The following MED25 variants were observed in gnomAD, a reference collection of about 807,000 sequenced individuals.
The protein encoded by MED25 is mediator of RNA polymerase II transcription subunit 25.
Under a neutral mutation model 89.4 loss-of-function variants are expected in MED25, and 62 were observed. That is an observed-to-expected ratio of 0.69 (90% CI 0.57 to 0.86). The LOEUF (loss-of-function observed/expected upper bound fraction) is 0.86. Ranked by LOEUF, MED25 falls within the 40% of genes least tolerant of loss-of-function variation. MED25 has a pLI of 0.00. For synonymous variants in MED25, 449 were observed against 427.9 expected (o/e 1.05, Z -0.61); for missense variants, 905 against 1,005.2 (o/e 0.90, Z 1.35).
rs1220782885 is a variant in MED25, at chr19:49,835,646, G to A, written c.1746+41G>A. ...GCGGGGTCGGGGCTGGGTTGGGGAG[G>A]CCCCAAGGCTGCGCTCTGTGCCTGC... On this transcript the variant is annotated intron_variant, in intron 15 of 17. Coordinates refer to ENST00000312865, the MANE Select transcript of MED25 (RefSeq NM_030973.4). The surrounding 1 kb of genome is among the most constrained non-coding windows in gnomAD (Gnocchi z 6.2). 6.4e-7 allele frequency: 1 copy of A among 1,559,792 alleles called. No homozygotes were observed. Among genetic ancestry groups the A allele is most frequent in the Admixed American group, 1.9e-5 (1 of 52,490 alleles).
rs904275019 is a variant in MED25 at position 49,831,624 on chromosome 19, A to C, written c.1230+163A>C. Among the ~76,000 whole-genome samples the C allele has an allele frequency of 6.6e-6, 1 of 152,012 alleles. No homozygotes were observed. The highest frequency in any genetic ancestry group is 2.4e-5 in the African/African-American group (1 of 41,382). On this transcript the variant is annotated intron_variant, in intron 10 of 17. Coordinates refer to ENST00000312865, the MANE Select transcript of MED25 (RefSeq NM_030973.4). This position sits in a 1 kb window ranked among gnomAD's most constrained non-coding sequence, Gnocchi z 5.0. Reference sequence around the variant, plus strand: ...CGGGGCGAGGCCAGGAGCCCCATGGAGTGGTGGGACTTGCGGTACAGAGGA... The same window carrying C: ...CGGGGCGAGGCCAGGAGCCCCATGGCGTGGTGGGACTTGCGGTACAGAGGA...
At chr19:49,826,175 CTTAAAAA>C (rs988600962) in intron 3 of MED25, among the ~76,000 whole-genome samples, 2 of 151,254 alleles carry the variant, frequency 1.3e-5, no homozygotes, top group African/African-American at 4.9e-5. Flanking sequence ...CCCGTCTCTA[CTTAAAAA>C]TTAAAAAAAT....
chr19:49,829,772 C>T lies in MED25; in HGVS notation c.526-14C>T. 6.3e-7 allele frequency: 1 copy of T among 1,577,362 alleles called. No individual in the cohort carries two copies. Among genetic ancestry groups the T allele is most frequent in the East Asian group, 2.4e-5 (1 of 42,542 alleles). ...GAGGGGGCCCGTCATGACTGCTCGGCCCCTCTCCTACAGCGGGGGATCCAC... is the reference window on the plus strand; with the variant it reads ...GAGGGGGCCCGTCATGACTGCTCGGTCCCTCTCCTACAGCGGGGGATCCAC... On this transcript the variant is annotated splice_polypyrimidine_tract_variant and intron_variant, in intron 5 of 17. Transcript: ENST00000312865. The surrounding 1 kb of genome is among the most constrained non-coding windows in gnomAD (Gnocchi z 4.6).
At chr19:49,832,225 C>T (rs998744622) in intron 12 of MED25, 68 bp downstream of exon 12, 1 of 1,565,698 alleles carries the variant, frequency 6.4e-7, no homozygotes, top group South Asian at 1.1e-5. Context: ...TTCCTGTTCC[C>T]TGCCCCACCC....
Position 49,830,389 on chromosome 19 carries a change from T to TG in MED25, c.820-121dup. 1 of 1,185,764 alleles carries TG rather than the reference T, an allele frequency of 8.4e-7. No homozygotes were observed. 73.5% of individuals were successfully genotyped at this position (1,185,764 alleles called of 1,614,324 possible). A position where few individuals can be genotyped will look rare whatever the true frequency, so the allele number is the denominator to read the frequency against. On this transcript the variant is annotated intron_variant, in intron 7 of 17. Transcript: ENST00000312865. The surrounding 1 kb of genome is among the most constrained non-coding windows in gnomAD (Gnocchi z 4.6). ...AGCTCATGTGCTGTGTGATGGGTGT[T>TG]GTGAGCTAAGCTATCCCAGCTGGTG...
At chr19:49,821,179 C>T (rs184047777) in intron 3 of MED25, among the ~76,000 whole-genome samples, 1 of 152,322 alleles carries the variant, frequency 6.6e-6, no homozygotes, top group African/African-American at 2.4e-5. Flanking sequence ...GAGTCTGTGG[C>T]TGTTGGCCAC....
At chr19:49,825,338 C>T (rs904068341) in intron 3 of MED25, among the ~76,000 whole-genome samples, 1 of 151,944 alleles carries the variant, frequency 6.6e-6, no homozygotes, top group Non-Finnish European at 1.5e-5. Flanking sequence ...AACCTCTGCC[C>T]CCGAGGTTCA....
At position 49,830,728 on chromosome 19, in the gene MED25, C is replaced by G. The variant is rs373971747; in HGVS notation, c.942C>G (p.Pro314=). 3.7e-6 allele frequency: 6 copies of G among 1,613,954 alleles called. No individual in the cohort carries two copies. In the Admixed American group the frequency reaches 5.0e-5, roughly 13 times the overall value. Residue 314 remains proline, a synonymous_variant, in exon 9 of 18, where the codon CCC becomes CCG. Coordinates refer to ENST00000312865, the MANE Select transcript of MED25 (RefSeq NM_030973.4). The surrounding 1 kb of genome is among the most constrained non-coding windows in gnomAD (Gnocchi z 4.6). ...TCACCCCTCTCCAACAAGCTGCTCC[C>G]GGAGTGGGTCCCCCCTTCAGCCAGG... ...SPITPLQQAA[P]GVGPPFSQAP... is the part of the protein sequence containing the mutation.
At chr19:49,819,433 G>A in intron 3 of MED25, 137 bp downstream of exon 3, 1 of 915,738 alleles carries the variant, frequency 1.1e-6, no homozygotes, top group Non-Finnish European at 1.7e-6. Flanking sequence ...CCCCGTGAGG[G>A]GCTGTGAATA....
At chr19:49,832,561 C>G in intron 13 of MED25, 146 bp downstream of exon 13, 1 of 671,844 alleles carries the variant, frequency 1.5e-6, no homozygotes, top group South Asian at 1.6e-5. Flanking sequence ...CCTCGCCTTT[C>G]TTCTAGAGCC....
At position 49,828,540 on chromosome 19, in the gene MED25, G is replaced by A. The variant is rs906227441; in HGVS notation, c.397G>A (p.Glu133Lys). ...GTTTGATGACTTCAAGAAGATGCGC[G>A]AGCAGATGTGAGTGCCCCCTCCACC... ...QLFDDFKKMR[E>K]QIGQTHRVCL... The change falls in exon 4 of 18, where the codon GAG (glutamate) becomes AAG (lysine). Residue 133 changes from glutamate to lysine, a missense_variant. By Grantham distance (56) the Glu-to-Lys change is moderately conservative. This residue lies in a region of MED25 where 501 missense variants were observed against 526.9 expected (regional missense o/e 0.95). Coordinates refer to ENST00000312865, the MANE Select transcript of MED25 (RefSeq NM_030973.4). 2 of 1,612,484 alleles carry A rather than the reference G, an allele frequency of 1.2e-6. No homozygotes were observed. The highest frequency in any genetic ancestry group is 1.7e-6 in the Non-Finnish European group (2 of 1,178,538).
At position 49,829,892 on chromosome 19, in the gene MED25, C is replaced by T; in HGVS notation, c.632C>T (p.Thr211Ile). Residue 211 changes from threonine to isoleucine, a missense_variant, in exon 6 of 18, where the codon ACA becomes ATA. Transcript: ENST00000312865. The surrounding 1 kb of genome is among the most constrained non-coding windows in gnomAD (Gnocchi z 4.6). ...TTGCTGGAGCCGCTGCAGCCTCCGA[C>T]AGATGTGAGCCAGGACCCGAGGCAC... ...PALLEPLQPP[T>I]DVSQDPRHMV... 1 of 1,613,402 alleles carries T rather than the reference C, an allele frequency of 6.2e-7. No homozygotes were observed. The highest frequency in any genetic ancestry group is 8.5e-7 in the Non-Finnish European group (1 of 1,179,958).
Position 49,830,434 on chromosome 19 carries a change from G to C in MED25, c.820-77G>C. On this transcript the variant is annotated intron_variant, in intron 7 of 17. Transcript: ENST00000312865. The surrounding 1 kb of genome is among the most constrained non-coding windows in gnomAD (Gnocchi z 4.6). ...CTGGTGCCTCATGGGGCCATGGGTG[G>C]TGTGACCTCGTGGGATACCAGGACT... 1 of 1,454,260 alleles carries C rather than the reference G, an allele frequency of 6.9e-7. No homozygotes were observed. 90.1% of individuals were successfully genotyped at this position (1,454,260 alleles called of 1,614,324 possible).
chr19:49,823,436 A>T (rs112258411), intron 3 of MED25, among the ~76,000 whole-genome samples: 46 of 152,294 alleles, frequency 3.0e-4, no homozygotes, highest in Admixed American at 1.2e-3. Flanking sequence ...GATGTTTAAT[A>T]CAGTGCCTGG....
chr19:49,832,218 C>G (rs1202417534), intron 12 of MED25, 61 bp downstream of exon 12: 2 of 1,580,630 alleles, frequency 1.3e-6, no homozygotes, highest in Middle Eastern at 1.9e-4. Flanking sequence ...TGTCTCTTTC[C>G]TGTTCCCTGC....
At position 49,830,840 on chromosome 19, in the gene MED25, C is replaced by G. The variant is rs1330618008; in HGVS notation, c.1054C>G (p.Pro352Ala). The change falls in exon 9 of 18, where the codon CCT (proline) becomes GCT (alanine). Residue 352 changes from proline to alanine, a missense_variant. This residue lies in a region of MED25 where 501 missense variants were observed against 526.9 expected (regional missense o/e 0.95). Transcript: ENST00000312865. The surrounding 1 kb of genome is among the most constrained non-coding windows in gnomAD (Gnocchi z 4.6). ...GCCCAGTCTGGTCTCCACTGTGGCC[C>G]CTGGCTCCGGCCTGGCTCCCACGGC... ...SQPSLVSTVA[P>A]GSGLAPTAQP... 6.2e-7 allele frequency: 1 copy of G among 1,612,868 alleles called. No individual in the cohort carries two copies. The highest frequency in any genetic ancestry group is 2.2e-5 in the East Asian group (1 of 44,864).
At position 49,829,872 on chromosome 19, in the gene MED25, G is replaced by A. The variant is rs373558539; in HGVS notation, c.612G>A (p.Leu204=). 1.9e-6 allele frequency: 3 copies of A among 1,613,042 alleles called. No individual in the cohort carries two copies. The highest frequency in any genetic ancestry group is 1.7e-6 in the Non-Finnish European group (2 of 1,179,876). ...AGAAGGCAGCCCCCCCGGCCTTGCT[G>A]GAGCCGCTGCAGCCTCCGACAGATG... ...LFEKAAPPAL[L]EPLQPPTDVS... Residue 204 remains leucine, a synonymous_variant, in exon 6 of 18, where the codon CTG becomes CTA. Transcript: ENST00000312865. This position sits in a 1 kb window ranked among gnomAD's most constrained non-coding sequence, Gnocchi z 4.6.
chr19:49,831,965 C>T lies in MED25; in HGVS notation c.1260C>T (p.Asn420=). 1 of 1,614,156 alleles carries T rather than the reference C, an allele frequency of 6.2e-7. No homozygotes were observed. The highest frequency in any genetic ancestry group is 1.3e-5 in the African/African-American group (1 of 75,024). The part of the protein sequence containing the change: ...EKPKPASVDA[N]TKLTRSLPCQ... ...CCAAACCTGCCTCAGTGGATGCCAA[C>T]ACCAAGCTGACGCGGTCACTGCCCT... The change falls in exon 11 of 18, where the codon AAC becomes AAT. Residue 420 remains asparagine, a synonymous_variant. Coordinates refer to ENST00000312865, the MANE Select transcript of MED25 (RefSeq NM_030973.4). The surrounding 1 kb of genome is among the most constrained non-coding windows in gnomAD (Gnocchi z 5.0).
rs747291588 is a variant in MED25 at position 49,830,630 on chromosome 19, A to G, written c.907+32A>G. The G allele has an allele frequency of 4.3e-5, 69 of 1,613,192 alleles. No homozygotes were observed. The highest frequency in any genetic ancestry group is 2.7e-5 in the African/African-American group (2 of 74,884). On this transcript the variant is annotated intron_variant, in intron 8 of 17. Coordinates refer to ENST00000312865, the MANE Select transcript of MED25 (RefSeq NM_030973.4). The surrounding 1 kb of genome is among the most constrained non-coding windows in gnomAD (Gnocchi z 4.6). ...CCTGGAGTGAGGATGAAGGGCGGGCAGGGGCCAGGCAGGCCTCTCTCCACA... is the reference window on the plus strand; with the variant it reads ...CCTGGAGTGAGGATGAAGGGCGGGCGGGGGCCAGGCAGGCCTCTCTCCACA...
Sources: allele counts gnomAD v4.1 joint callset (sites outside exome capture counted in the v4.1 genomes callset), GRCh38; gene constraint gnomAD v4.1.1; regional missense constraint gnomAD v4.1.1; non-coding constraint Gnocchi (gnomAD v3.1); transcripts MANE v1.5; gene names NCBI Gene and HGNC (gene_info 2026-07-23, HGNC 2026-07-21).